Variants in STK32B observed in about 807,000 individuals in gnomAD.
The protein encoded by STK32B is serine/threonine-protein kinase 32B.
STK32B carries 43 observed loss-of-function variants against 52.6 expected under a neutral mutation model. The observed-to-expected ratio is 0.82, with a 90% CI of 0.64 to 1.05. The LOEUF is 1.05. STK32B is among the 50% of genes least tolerant of loss of function. The probability of loss-of-function intolerance (pLI) is 0.00; values close to 1 mark genes in which losing one functional copy is unlikely to be tolerated. For missense variants in STK32B, 621 were observed against 534.6 expected (o/e 1.16, Z -1.59); for synonymous variants, 238 against 204.3 (o/e 1.17, Z -1.41).
intron 1 of STK32B, among the ~76,000 whole-genome samples, chr4:5,054,290 G>A (rs911347443): frequency 6.6e-6 from 1 of 152,184 alleles, no homozygotes; most frequent in Non-Finnish European, 1.5e-5. Context: ...GTGTGTAAGT[G>A]CCCTGACGTG....
At chr4:5,171,456 C>T (rs1282304912) in intron 3 of STK32B, among the ~76,000 whole-genome samples, 1 of 152,138 alleles carries the variant, frequency 6.6e-6, no homozygotes, top group East Asian at 1.9e-4. Context: ...ACATGTAAGT[C>T]TTTAATCCAT....
rs898785631 is a variant in STK32B, at chr4:5,386,527, T to C, written c.435-11680T>C. Among the ~76,000 whole-genome samples, 1 of 152,196 alleles carries C rather than the reference T, an allele frequency of 6.6e-6. No homozygotes were observed. The highest frequency in any genetic ancestry group is 1.5e-5 in the Non-Finnish European group (1 of 68,034). On this transcript the variant is annotated intron_variant, in intron 4 of 11. Transcript: ENST00000282908. This position sits in a 1 kb window ranked among gnomAD's most constrained non-coding sequence, Gnocchi z 4.5. ...TGTAATTTGACCTAGTAACTGAACA[T>C]CTCTCAGCCTCATTGTCTTCATCTG... is the stretch of plus-strand genomic sequence containing the variant.
rs1553823532 is a variant in STK32B, at chr4:5,099,454, G to GCGCAACGCGCGCGCACA, written c.53-40448_53-40447insAACGCGCGCGCACACGC. Among the ~76,000 whole-genome samples, 734 of 129,846 alleles carry GCGCAACGCGCGCGCACA rather than the reference G, an allele frequency of 5.7e-3. 9 individuals are homozygous for GCGCAACGCGCGCGCACA. The highest frequency in any genetic ancestry group is 0.018 in the African/African-American group (703 of 39,264). 85.2% of individuals were successfully genotyped at this position (129,846 alleles called of 152,430 possible). A position where few individuals can be genotyped will look rare whatever the true frequency, so the allele number is the denominator to read the frequency against. The stretch of plus-strand genomic sequence containing the variant: ...CCTCTGTGTGTGTGTGTGTGTGCGC[G>GCGCAACGCGCGCGCACA]CGCGCGTATGTGATGTGTTCACAAC... On this transcript the variant is annotated intron_variant, in intron 1 of 11. Transcript: ENST00000282908.
At chr4:5,347,094 A>T (rs142046881) in intron 4 of STK32B, among the ~76,000 whole-genome samples, 32 of 152,184 alleles carry the variant, frequency 2.1e-4, no homozygotes, top group African/African-American at 7.5e-4. Flanking sequence ...GGGGATTACA[A>T]TGTGAGGACA....
chr4:5,249,228 G>C (rs1725702982), intron 3 of STK32B, among the ~76,000 whole-genome samples: 1 of 152,146 alleles, frequency 6.6e-6, no homozygotes, highest in Non-Finnish European at 1.5e-5. Context: ...CATTAACTCA[G>C]TTCTCAAAAG....
intron 11 of STK32B, among the ~76,000 whole-genome samples, chr4:5,473,669 C>A (rs1260940228): frequency 6.6e-6 from 1 of 152,156 alleles, no homozygotes; most frequent in Non-Finnish European, 1.5e-5. Flanking sequence ...TGTTGGCGAA[C>A]CCAGACGTTT....
At position 5,378,633 on chromosome 4, in the gene STK32B, G is replaced by A. The variant is rs982842556; in HGVS notation, c.435-19574G>A. On this transcript the variant is annotated intron_variant, in intron 4 of 11. Transcript: ENST00000282908. The surrounding 1 kb of genome is among the most constrained non-coding windows in gnomAD (Gnocchi z 4.4). ...TCTAATTTTTATGGGTACATAGTAG[G>A]TGTGTATATGTATGGGGTACATGAG... Among the ~76,000 whole-genome samples the A allele has an allele frequency of 1.3e-5, 2 of 152,056 alleles. No homozygotes were observed. Among genetic ancestry groups the A allele is most frequent in the African/African-American group, 4.8e-5 (2 of 41,400 alleles).
intron 4 of STK32B, among the ~76,000 whole-genome samples, chr4:5,333,127 T>G (rs57764817): frequency 0.07 from 10,671 of 151,876 alleles, 654 homozygotes; most frequent in African/African-American, 0.17. Context: ...GTAAAAGTGT[T>G]CCTATTTCTC....
intron 1 of STK32B, among the ~76,000 whole-genome samples, chr4:5,052,594 G>A (rs1448432387): frequency 5.3e-5 from 8 of 152,110 alleles, no homozygotes; most frequent in East Asian, 1.9e-4. Context: ...CCAGTGCAGC[G>A]TGTCCCTGGA....
At chr4:5,477,133 TG>T in intron 11 of STK32B, among the ~76,000 whole-genome samples, 1 of 152,296 alleles carries the variant, frequency 6.6e-6, no homozygotes, top group South Asian at 2.1e-4. Context: ...GGCTCCCCGA[TG>T]GGTAGTGCTG....
In STK32B at chr4:5,465,872, G is replaced by A. The variant is rs1030142941; in HGVS notation, c.910-831G>A. On this transcript the variant is annotated intron_variant, in intron 9 of 11. Transcript: ENST00000282908. Reference sequence around the variant, plus strand: ...TGTAGGGAGGACTTGCTTCATGCCTGGCCCTACTTGGAGTACTTTATAGAT... The same window carrying A: ...TGTAGGGAGGACTTGCTTCATGCCTAGCCCTACTTGGAGTACTTTATAGAT... 2.0e-5 allele frequency among the ~76,000 whole-genome samples: 3 copies of A among 152,102 alleles called. No individual in the cohort carries two copies. The East Asian group carries it at 5.8e-4, about 29-fold the overall frequency.
chr4:5,238,295 T>G (rs57116593), intron 3 of STK32B, among the ~76,000 whole-genome samples: 16,484 of 152,078 alleles, frequency 0.11, 1,708 homozygotes, highest in African/African-American at 0.27. Flanking sequence ...AGGAATTCCT[T>G]GGCTTGTGAT....
chr4:5,494,027 G>C (rs574760970), intron 11 of STK32B, among the ~76,000 whole-genome samples: 4 of 152,176 alleles, frequency 2.6e-5, no homozygotes, highest in African/African-American at 4.8e-5. Context: ...AATAGGTGTG[G>C]TGTGGTGCTG....
intron 3 of STK32B, among the ~76,000 whole-genome samples, chr4:5,243,525 C>T (rs368148622): frequency 1.1e-4 from 16 of 152,230 alleles, no homozygotes; most frequent in East Asian, 3.9e-4. Flanking sequence ...CATCTGCAAA[C>T]AGGGACAATT....
chr4:5,446,639 C>G lies in STK32B; in HGVS notation c.563-34C>G. On this transcript the variant is annotated intron_variant, in intron 6 of 11. Coordinates refer to ENST00000282908, the MANE Select transcript of STK32B (RefSeq NM_018401.3). The stretch of plus-strand genomic sequence containing the variant: ...GGGGTGGTGGCCATAAACTGGGATA[C>G]ACAATGATGTTCTCCTTGTCCTCTC... The G allele has an allele frequency of 2.5e-6, 4 of 1,572,996 alleles. No individual in the cohort carries two copies. The South Asian group carries it at 4.4e-5, about 17-fold the overall frequency.
chr4:5,229,037 A>G (rs1243942570), intron 3 of STK32B, among the ~76,000 whole-genome samples: 1 of 152,208 alleles, frequency 6.6e-6, no homozygotes, highest in Non-Finnish European at 1.5e-5. Context: ...TGTGTCTAAA[A>G]TAACAATATA....
At position 5,399,470 on chromosome 4, in the gene STK32B, A is replaced by C. The variant is rs980833767; in HGVS notation, c.472+1226A>C. ...TTGCATCTCTGCATCAGATGCTGGA[A>C]CCAGACTAAGTGCTTTGGGGGCAGT... On this transcript the variant is annotated intron_variant, in intron 5 of 11. Transcript: ENST00000282908. This position sits in a 1 kb window ranked among gnomAD's most constrained non-coding sequence, Gnocchi z 5.4. Among the ~76,000 whole-genome samples, 1 of 152,116 alleles carries C rather than the reference A, an allele frequency of 6.6e-6. No individual in the cohort carries two copies. Among genetic ancestry groups the C allele is most frequent in the Non-Finnish European group, 1.5e-5 (1 of 68,022 alleles).
chr4:5,385,381 G>A (rs1736181395), intron 4 of STK32B, among the ~76,000 whole-genome samples: 2 of 151,542 alleles, frequency 1.3e-5, no homozygotes, highest in South Asian at 2.1e-4. Context: ...TCGAAGCCCC[G>A]TGCCCATGTA....
rs996782433 is a variant in STK32B at position 5,453,403 on chromosome 4, A to G, written c.667-3404A>G. On this transcript the variant is annotated intron_variant, in intron 7 of 11. Coordinates refer to ENST00000282908, the MANE Select transcript of STK32B (RefSeq NM_018401.3). This position sits in a 1 kb window ranked among gnomAD's most constrained non-coding sequence, Gnocchi z 4.0. ...CTTGGATTCTGGGTCTCTGGTGGCA[A>G]TGCAGAAAGACCAGGGGATGAGAAT... is the stretch of plus-strand genomic sequence containing the variant. Among the ~76,000 whole-genome samples the G allele has an allele frequency of 2.6e-5, 4 of 152,120 alleles. No homozygotes were observed. Among genetic ancestry groups the G allele is most frequent in the African/African-American group, 9.7e-5 (4 of 41,410 alleles).
Sources: gnomAD v4.1 joint callset for allele counts (sites outside exome capture counted in the v4.1 genomes callset) on GRCh38, gnomAD v4.1.1 for gene constraint, Gnocchi (gnomAD v3.1) non-coding constraint, MANE v1.5 for transcripts, NCBI Gene and HGNC (gene_info 2026-07-23, HGNC 2026-07-21) for gene names.